CDH18: variants seen among roughly 807,000 people sequenced by gnomAD.
CDH18 encodes the protein cadherin 18, also known as cadherin-18.
In CDH18, 31 loss-of-function variants were observed where a neutral mutation model predicts 67.9. That is an observed-to-expected ratio of 0.46 (90% CI 0.34 to 0.62). The LOEUF (loss-of-function observed/expected upper bound fraction) is 0.62, where lower values mean the gene tolerates loss of function less well. CDH18 is among the 20% of genes least tolerant of loss of function. The pLI, the probability that CDH18 is intolerant of heterozygous loss-of-function variation, is 0.01. For synonymous variants in CDH18, 362 were observed against 347.2 expected (o/e 1.04, Z -0.48); for missense variants, 890 against 975.5 (o/e 0.91, Z 1.17).
chr5:20,339,831 A>T (rs537231455), intron 1 of CDH18, among the ~76,000 whole-genome samples: 2 of 152,314 alleles, frequency 1.3e-5, no homozygotes, highest in Admixed American at 1.3e-4. Flanking sequence ...ACTCTCTTGG[A>T]AAGATTTTAT....
chr5:20,513,446 G>GTC (rs1755168755), intron 1 of CDH18, among the ~76,000 whole-genome samples: 1 of 151,940 alleles, frequency 6.6e-6, no homozygotes, highest in Non-Finnish European at 1.5e-5. Context: ...TTTCCCCTGG[G>GTC]GACAAGTGTA....
chr5:19,890,993 A>G (rs1788730610), intron 2 of CDH18, among the ~76,000 whole-genome samples: 1 of 152,184 alleles, frequency 6.6e-6, no homozygotes, highest in Non-Finnish European at 1.5e-5. Context: ...TGGGTGAACT[A>G]TCTATTTCCA....
chr5:20,407,009 T>C (rs112570026), intron 1 of CDH18, among the ~76,000 whole-genome samples: 1,614 of 152,262 alleles, frequency 0.011, 33 homozygotes, highest in African/African-American at 0.037. Flanking sequence ...ATGGGTCAAA[T>C]ATTCCAACTT....
At chr5:20,033,756 G>T (rs1378998687) in intron 2 of CDH18, among the ~76,000 whole-genome samples, 1 of 152,036 alleles carries the variant, frequency 6.6e-6, no homozygotes, top group Non-Finnish European at 1.5e-5. Flanking sequence ...AACTAATCTA[G>T]TCCATTAACA....
intron 3 of CDH18, among the ~76,000 whole-genome samples, chr5:19,776,863 G>C (rs1581298245): frequency 6.6e-6 from 1 of 152,148 alleles, no homozygotes. Flanking sequence ...AGTGAAAGTA[G>C]TAATAGGGAT....
intron 9 of CDH18, among the ~76,000 whole-genome samples, chr5:19,536,688 G>A (rs1749470851): frequency 6.6e-6 from 1 of 152,208 alleles, no homozygotes; most frequent in Admixed American, 6.5e-5. Context: ...ACTTTAGCAT[G>A]AATGAGAAAC....
At chr5:19,790,651 C>T (rs558003469) in intron 3 of CDH18, among the ~76,000 whole-genome samples, 1 of 152,080 alleles carries the variant, frequency 6.6e-6, no homozygotes, top group South Asian at 2.1e-4. Context: ...AATCTAGATG[C>T]ACTTGGAAGC....
chr5:20,304,592 A>T, intron 1 of CDH18: 1 of 1,612,042 alleles, frequency 6.2e-7, no homozygotes, highest in African/African-American at 1.3e-5. Flanking sequence ...AGGGGGACAG[A>T]GCTTAATGAG....
chr5:20,265,208 G>C (rs1218398267), intron 1 of CDH18, among the ~76,000 whole-genome samples: 1 of 151,918 alleles, frequency 6.6e-6, no homozygotes, highest in Non-Finnish European at 1.5e-5. Flanking sequence ...CTTTCTGTTA[G>C]AGTTGATACT....
At chr5:20,191,806 G>A (rs992232060) in intron 2 of CDH18, among the ~76,000 whole-genome samples, 4 of 152,064 alleles carry the variant, frequency 2.6e-5, no homozygotes, top group African/African-American at 9.6e-5. Flanking sequence ...ATAAATAGTG[G>A]CACTATAAAC....
In CDH18 at chr5:19,907,517, A is replaced by T. The variant is rs567822626; in HGVS notation, c.-256-68275T>A. The stretch of plus-strand genomic sequence containing the variant: ...TGACTGCAACTGATCACATGAGTCC[A>T]GGTGTGGAATTTTCTGCTTCTGGTG... On this transcript the variant is annotated intron_variant, in intron 2 of 12. Coordinates refer to ENST00000382275, the MANE Select transcript of CDH18 (RefSeq NM_004934.5). Among the ~76,000 whole-genome samples the T allele has an allele frequency of 6.9e-4, 105 of 152,148 alleles. 3 individuals are homozygous for T. In the South Asian group the frequency reaches 0.022, roughly 31 times the overall value.
At chr5:20,296,186 T>C (rs1045603495) in intron 1 of CDH18, among the ~76,000 whole-genome samples, 1 of 149,938 alleles carries the variant, frequency 6.7e-6, no homozygotes, top group Non-Finnish European at 1.5e-5. Flanking sequence ...CAAATTTTCA[T>C]AATGGATTAT....
At chr5:19,844,904 T>C (rs549047874) in intron 2 of CDH18, among the ~76,000 whole-genome samples, 2 of 152,292 alleles carry the variant, frequency 1.3e-5, no homozygotes, top group South Asian at 4.1e-4. Flanking sequence ...TCAATGGCTA[T>C]CCAACACAGT....
chr5:19,945,484 A>G (rs1053616191), intron 2 of CDH18, among the ~76,000 whole-genome samples: 1 of 152,192 alleles, frequency 6.6e-6, no homozygotes, highest in Non-Finnish European at 1.5e-5. Context: ...ACCTGTCATC[A>G]TAGCAGGGAG....
intron 1 of CDH18, among the ~76,000 whole-genome samples, chr5:20,510,944 G>C (rs1754994939): frequency 6.6e-6 from 1 of 152,166 alleles, no homozygotes; most frequent in African/African-American, 2.4e-5. Context: ...ATAAATATGA[G>C]TAAAATCCTT....
At chr5:20,441,867 T>C (rs1024229121) in intron 1 of CDH18, among the ~76,000 whole-genome samples, 1 of 151,962 alleles carries the variant, frequency 6.6e-6, no homozygotes, top group Non-Finnish European at 1.5e-5. Context: ...GATGACAATC[T>C]GTTGCTTATT....
intron 11 of CDH18, among the ~76,000 whole-genome samples, chr5:19,496,202 C>A (rs941381667): frequency 6.6e-6 from 1 of 152,108 alleles, no homozygotes; most frequent in Admixed American, 6.5e-5. Flanking sequence ...GGGTCATCTT[C>A]TAAAAACAGA....
chr5:20,241,060 A>G (rs1171506018), intron 2 of CDH18, among the ~76,000 whole-genome samples: 2 of 152,024 alleles, frequency 1.3e-5, no homozygotes, highest in Non-Finnish European at 2.9e-5. Context: ...ATTTATCCTC[A>G]TTTCAAAAAT....
chr5:20,196,196 A>G (rs1738961829), intron 2 of CDH18, among the ~76,000 whole-genome samples: 1 of 152,146 alleles, frequency 6.6e-6, no homozygotes, highest in Non-Finnish European at 1.5e-5. Flanking sequence ...ACTCCACCTA[A>G]CAGCAGTATT....
Sources: allele counts gnomAD v4.1 joint callset (sites outside exome capture counted in the v4.1 genomes callset), GRCh38; gene constraint gnomAD v4.1.1; transcripts MANE v1.5; gene names NCBI Gene and HGNC (gene_info 2026-07-23, HGNC 2026-07-21).